The following DPYD variants were observed in gnomAD, a reference collection of about 807,000 sequenced individuals.
The protein encoded by DPYD is dihydropyrimidine dehydrogenase [NADP(+)].
Under a neutral mutation model 116.2 loss-of-function variants are expected in DPYD, and 109 were observed. The observed-to-expected ratio is 0.94, with a 90% CI of 0.80 to 1.10. The LOEUF (loss-of-function observed/expected upper bound fraction) is 1.10, where lower values mean the gene tolerates loss of function less well. Among genes scored for constraint, DPYD ranks in the 50% least tolerant of loss-of-function variants. DPYD has a pLI of 0.00. For synonymous variants in DPYD, 440 were observed against 432.0 expected (o/e 1.02, Z -0.23); for missense variants, 1,302 against 1,254.5 (o/e 1.04, Z -0.57).
At chr1:97,082,223 T>C (rs1649205120) in intron 22 of DPYD, 107 bp downstream of exon 22, 1 of 1,361,672 alleles carries the variant, frequency 7.3e-7, no homozygotes, top group African/African-American at 1.4e-5. Context: ...AGAGCAATAT[T>C]TGGCACCACT....
intron 2 of DPYD, among the ~76,000 whole-genome samples, chr1:97,879,732 T>C (rs1672097800): frequency 6.6e-6 from 1 of 151,936 alleles, no homozygotes; most frequent in Admixed American, 6.6e-5. Context: ...AAACACATGC[T>C]TATTTTCTAA....
chr1:97,671,505 A>G (rs1659857503), intron 8 of DPYD, among the ~76,000 whole-genome samples: 1 of 152,186 alleles, frequency 6.6e-6, no homozygotes, highest in East Asian at 1.9e-4. Flanking sequence ...ATTTTGTCAA[A>G]AACAAAAAAA....
At chr1:97,569,912 A>T (rs1213603673) in intron 11 of DPYD, among the ~76,000 whole-genome samples, 5 of 152,002 alleles carry the variant, frequency 3.3e-5, no homozygotes, top group African/African-American at 1.2e-4. Flanking sequence ...AAACAGAATT[A>T]TGTAAAGTAA....
intron 20 of DPYD, among the ~76,000 whole-genome samples, chr1:97,178,010 C>T (rs1466249328): frequency 6.6e-6 from 1 of 152,064 alleles, no homozygotes; most frequent in Non-Finnish European, 1.5e-5. Flanking sequence ...AATTTTATTG[C>T]CTTCCAAAGG....
At chr1:97,112,006 C>A (rs1651633159) in intron 20 of DPYD, among the ~76,000 whole-genome samples, 1 of 152,016 alleles carries the variant, frequency 6.6e-6, no homozygotes. Flanking sequence ...GAGCTTCATA[C>A]ACAATAGGCA....
intron 16 of DPYD, among the ~76,000 whole-genome samples, chr1:97,352,572 A>AG (rs1018112704): frequency 6.6e-6 from 1 of 152,110 alleles, no homozygotes; most frequent in Admixed American, 6.6e-5. Context: ...GTAAAAAAAA[A>AG]AAAAAAATCT....
intron 3 of DPYD, among the ~76,000 whole-genome samples, chr1:97,785,728 T>A (rs1353445302): frequency 7.4e-6 from 1 of 135,946 alleles, no homozygotes; most frequent in Non-Finnish European, 1.5e-5. Context: ...AGTCTCGCTC[T>A]GTCACCCAGG....
At chr1:97,720,679 C>A (rs2101024348) in intron 5 of DPYD, 1 of 1,370,372 alleles carries the variant, frequency 7.3e-7, no homozygotes, top group Non-Finnish European at 9.4e-7. Flanking sequence ...TTTATGCTGA[C>A]AAAACCAGAT....
chr1:97,229,203 CA>C (rs34445661), intron 19 of DPYD, among the ~76,000 whole-genome samples: 4,830 of 58,252 alleles, frequency 0.083, 24 homozygotes, highest in Middle Eastern at 0.15. Flanking sequence ...GACTCCTTCT[CA>C]AAAAAAAAAA....
intron 15 of DPYD, among the ~76,000 whole-genome samples, chr1:97,381,912 C>A (rs1013946782): frequency 3.3e-5 from 5 of 152,138 alleles, no homozygotes; most frequent in Non-Finnish European, 7.4e-5. Context: ...CATTCTGTCC[C>A]GCTCTTTTAT....
At chr1:97,756,761 T>A (rs2101115037) in intron 3 of DPYD, among the ~76,000 whole-genome samples, 1 of 152,304 alleles carries the variant, frequency 6.6e-6, no homozygotes, top group Non-Finnish European at 1.5e-5. Context: ...GTTCTATATA[T>A]AAGATGACAG....
chr1:97,870,276 T>C (rs1671591161), intron 2 of DPYD, among the ~76,000 whole-genome samples: 1 of 151,852 alleles, frequency 6.6e-6, no homozygotes, highest in African/African-American at 2.4e-5. Context: ...ACCATGCAAA[T>C]AGGGTATAAC....
At chr1:97,244,163 C>T (rs916816416) in intron 18 of DPYD, among the ~76,000 whole-genome samples, 1 of 151,964 alleles carries the variant, frequency 6.6e-6, no homozygotes. Flanking sequence ...ACAAGCTACA[C>T]TTATTAAACA....
intron 22 of DPYD, among the ~76,000 whole-genome samples, chr1:97,081,149 T>TA (rs397779107): frequency 2.0e-5 from 3 of 151,694 alleles, no homozygotes; most frequent in East Asian, 1.9e-4. Context: ...AGTTTTTTTT[T>TA]AAATTAAAAT....
intron 21 of DPYD, among the ~76,000 whole-genome samples, chr1:97,096,958 T>A (rs1243746035): frequency 6.6e-6 from 1 of 152,148 alleles, no homozygotes; most frequent in Admixed American, 6.6e-5. Context: ...AGCGAGACCA[T>A]GAACCCCTGG....
At chr1:97,907,357 G>T (rs4579796) in intron 1 of DPYD, among the ~76,000 whole-genome samples, 152,193 of 152,228 alleles carry the variant, frequency 1, 76,079 homozygotes, top group Non-Finnish European at 1. Flanking sequence ...TGCATATCTG[G>T]AAGTTAAGCA....
At position 97,078,560 on chromosome 1, in the gene DPYD, GA is replaced by G. The variant is rs1648946259; in HGVS notation, c.*415del. The G allele has an allele frequency of 5.2e-6, 1 of 193,290 alleles. No homozygotes were observed. Among genetic ancestry groups the G allele is most frequent in the East Asian group, 1.3e-4 (1 of 7,606 alleles). 12.0% of individuals were successfully genotyped at this position (193,290 alleles called of 1,614,324 possible). A position where few individuals can be genotyped will look rare whatever the true frequency, so the allele number is the denominator to read the frequency against. ...TTTTTAATGATAAAATGTTTCCTTG[GA>G]TACATTTTCTTGTATGTTAAAGAGT... is the stretch of plus-strand genomic sequence containing the variant. On this transcript the variant is annotated 3_prime_UTR_variant, in exon 23 of 23. Coordinates refer to ENST00000370192, the MANE Select transcript of DPYD (RefSeq NM_000110.4).
At chr1:97,257,675 T>C (rs965927907) in intron 18 of DPYD, among the ~76,000 whole-genome samples, 2 of 151,978 alleles carry the variant, frequency 1.3e-5, no homozygotes, top group Non-Finnish European at 2.9e-5. Context: ...AAATTTAAAA[T>C]TAATTTTTAT....
intron 14 of DPYD, among the ~76,000 whole-genome samples, chr1:97,386,058 G>A (rs1459235045): frequency 6.6e-6 from 1 of 152,028 alleles, no homozygotes; most frequent in Non-Finnish European, 1.5e-5. Flanking sequence ...GCCTCTGACT[G>A]GGGAGGGGTG....
Sources: gnomAD v4.1 joint callset for allele counts (sites outside exome capture counted in the v4.1 genomes callset) on GRCh38, gnomAD v4.1.1 for gene constraint, MANE v1.5 for transcripts, NCBI Gene and HGNC (gene_info 2026-07-23, HGNC 2026-07-21) for gene names.